LMBR1: variants seen among roughly 807,000 people sequenced by gnomAD.
LMBR1 encodes limb region 1 protein homolog.
LMBR1 carries 52 observed loss-of-function variants against 73.9 expected under a neutral mutation model. The observed-to-expected ratio is 0.70, with a 90% CI of 0.56 to 0.89. LMBR1 has a LOEUF of 0.89. LMBR1 is among the 40% of genes least tolerant of loss of function. LMBR1 has a pLI of 0.00. For synonymous variants in LMBR1, 215 were observed against 209.4 expected, an observed-to-expected ratio of 1.03 and a Z score of -0.23; for missense variants, 539 against 579.8, an observed-to-expected ratio of 0.93 and a Z score of 0.72.
chr7:156,818,943 T>C (rs1305822660), intron 4 of LMBR1, among the ~76,000 whole-genome samples: 1 of 152,224 alleles, frequency 6.6e-6, no homozygotes, highest in Non-Finnish European at 1.5e-5. Context: ...GTTGCTGGCA[T>C]GTCATGGACC....
chr7:156,873,940 C>T (rs902027137), intron 1 of LMBR1, among the ~76,000 whole-genome samples: 1 of 152,266 alleles, frequency 6.6e-6, no homozygotes, highest in African/African-American at 2.4e-5. Context: ...CAGCTGGCTT[C>T]ACCCAGTGGA....
chr7:156,762,718 A>G (rs1307419367), intron 7 of LMBR1, among the ~76,000 whole-genome samples: 1 of 152,194 alleles, frequency 6.6e-6, no homozygotes, highest in East Asian at 1.9e-4. Context: ...TCCATTTAAA[A>G]GTAGAATCTA....
rs1303488935 is a variant in LMBR1 at position 156,706,521 on chromosome 7, T to C, written c.1225+17591A>G. Reference sequence around the variant, plus strand: ...AACACAAAACAAGTCTCAACAAATTTTTAAAAATCAAAAATTTTCATGCAT... The same window carrying C: ...AACACAAAACAAGTCTCAACAAATTCTTAAAAATCAAAAATTTTCATGCAT... On this transcript the variant is annotated intron_variant, in intron 15 of 16. Coordinates refer to ENST00000353442, the MANE Select transcript of LMBR1 (RefSeq NM_022458.4). Among the ~76,000 whole-genome samples, 4 of 152,250 alleles carry C rather than the reference T, an allele frequency of 2.6e-5. No individual in the cohort carries two copies. The East Asian group carries it at 7.7e-4, about 29-fold the overall frequency.
At chr7:156,688,962 G>T (rs1806562498) in intron 15 of LMBR1, among the ~76,000 whole-genome samples, 1 of 152,082 alleles carries the variant, frequency 6.6e-6, no homozygotes, top group Non-Finnish European at 1.5e-5. Context: ...GTTAATCTGA[G>T]TTTAATGCTT....
chr7:156,787,250 T>C (rs1416271867), intron 5 of LMBR1, among the ~76,000 whole-genome samples: 2 of 152,160 alleles, frequency 1.3e-5, no homozygotes, highest in Admixed American at 6.5e-5. Flanking sequence ...GTGACCACCC[T>C]CTCTCCCCTG....
chr7:156,846,872 G>A (rs1485868714), intron 1 of LMBR1, among the ~76,000 whole-genome samples: 4 of 152,118 alleles, frequency 2.6e-5, no homozygotes, highest in Non-Finnish European at 5.9e-5. Context: ...AGAGTTTGAG[G>A]TAATGGACAT....
chr7:156,821,173 A>C (rs1834731984), intron 4 of LMBR1, among the ~76,000 whole-genome samples: 1 of 152,244 alleles, frequency 6.6e-6, no homozygotes, highest in Admixed American at 6.5e-5. Context: ...CATCAAATGG[A>C]AGTGGTACAT....
intron 4 of LMBR1, among the ~76,000 whole-genome samples, chr7:156,818,793 A>C (rs978450028): frequency 2.0e-5 from 3 of 152,350 alleles, no homozygotes; most frequent in Admixed American, 2.0e-4. Context: ...TTAACAGTAC[A>C]CAAGATATAG....
chr7:156,776,541 C>T (rs1826164842), intron 5 of LMBR1, among the ~76,000 whole-genome samples: 2 of 152,172 alleles, frequency 1.3e-5, no homozygotes, highest in South Asian at 2.1e-4. Context: ...TTTGAAACTG[C>T]CCTCTTAGTC....
rs1802339767 is a variant in LMBR1 at position 156,670,914 on chromosome 7, AAT to A, written n.867-1629_867-1628del. ...CAGTGGTAAAAATGTGAGTAAATCT[AAT>A]AGACATTGATTCCACCGAACAAGAA... On this transcript the variant is annotated intron_variant and non_coding_transcript_variant, in intron 4 of 4. Transcript: ENST00000430825. This position sits in a 1 kb window ranked among gnomAD's most constrained non-coding sequence, Gnocchi z 4.3. Among the ~76,000 whole-genome samples, 1 of 152,258 alleles carries A rather than the reference AAT, an allele frequency of 6.6e-6. No individual in the cohort carries two copies. The highest frequency in any genetic ancestry group is 6.5e-5 in the Admixed American group (1 of 15,286).
At chr7:156,771,808 C>A (rs994893854) in intron 5 of LMBR1, among the ~76,000 whole-genome samples, 1 of 152,164 alleles carries the variant, frequency 6.6e-6, no homozygotes, top group South Asian at 2.1e-4. Flanking sequence ...CACCAATATT[C>A]TTGATAAACA....
intron 15 of LMBR1, among the ~76,000 whole-genome samples, chr7:156,699,185 T>C (rs1244745248): frequency 6.6e-6 from 1 of 152,170 alleles, no homozygotes; most frequent in East Asian, 1.9e-4. Context: ...CAAAACAGCA[T>C]GGTACTGGTA....
intron 1 of LMBR1, among the ~76,000 whole-genome samples, chr7:156,879,850 A>G (rs1334239368): frequency 6.6e-6 from 1 of 152,178 alleles, no homozygotes; most frequent in East Asian, 1.9e-4. Flanking sequence ...ACAAAAAATA[A>G]TAGATGTTGG....
At chr7:156,845,134 C>T (rs1439926107) in intron 1 of LMBR1, among the ~76,000 whole-genome samples, 1 of 152,090 alleles carries the variant, frequency 6.6e-6, no homozygotes, top group Non-Finnish European at 1.5e-5. Flanking sequence ...ACCAATTGCC[C>T]TGATTATTTG....
At chr7:156,749,699 C>T (rs1316839290) in intron 9 of LMBR1, among the ~76,000 whole-genome samples, 1 of 151,966 alleles carries the variant, frequency 6.6e-6, no homozygotes, top group Non-Finnish European at 1.5e-5. Flanking sequence ...AGGACTTTTT[C>T]GTTTTTTTTA....
At chr7:156,761,477 T>C (rs760926631) in intron 8 of LMBR1, among the ~76,000 whole-genome samples, 63 of 152,264 alleles carry the variant, frequency 4.1e-4, no homozygotes, top group Non-Finnish European at 7.5e-4. Flanking sequence ...TTTTGTAAAT[T>C]AAAGCATACA....
chr7:156,685,373 G>A lies in LMBR1; in HGVS notation c.1388-1210C>T, dbSNP rs1029324895. 3.9e-5 allele frequency among the ~76,000 whole-genome samples: 6 copies of A among 152,192 alleles called. No homozygotes were observed. The highest frequency in any genetic ancestry group is 1.4e-4 in the African/African-American group (6 of 41,436). ...TCAGGTGTTGCCGAACAACAGGAAT[G>A]CATTCTGAGAAATGCGCTGTCGAGC... On this transcript the variant is annotated intron_variant, in intron 16 of 16. Transcript: ENST00000353442. This position sits in a 1 kb window ranked among gnomAD's most constrained non-coding sequence, Gnocchi z 4.1.
intron 12 of LMBR1, chr7:156,726,043 C>A: frequency 2.4e-6 from 1 of 417,650 alleles, no homozygotes; most frequent in Non-Finnish European, 4.3e-6. Context: ...TTTTAATAAG[C>A]TCAAGAAAAA....
chr7:156,710,693 A>T (rs149030967), intron 15 of LMBR1, among the ~76,000 whole-genome samples: 1 of 152,268 alleles, frequency 6.6e-6, no homozygotes, highest in Non-Finnish European at 1.5e-5. Context: ...TCATCACAAA[A>T]TGATCATCAC....
Sources: gnomAD v4.1 joint callset for allele counts (sites outside exome capture counted in the v4.1 genomes callset) on GRCh38, gnomAD v4.1.1 for gene constraint, Gnocchi (gnomAD v3.1) non-coding constraint, MANE v1.5 for transcripts, NCBI Gene and HGNC (gene_info 2026-07-23, HGNC 2026-07-21) for gene names.